TBXAS1: variants seen among roughly 807,000 people sequenced by gnomAD.
TBXAS1 encodes the protein thromboxane-A synthase.
TBXAS1 carries 48 observed loss-of-function variants against 60.7 expected under a neutral mutation model. The ratio of observed to expected loss-of-function variants is 0.79; its 90% CI spans 0.63 to 1.01. The LOEUF (loss-of-function observed/expected upper bound fraction) is 1.01, where lower values mean the gene tolerates loss of function less well. TBXAS1 is among the 50% of genes least tolerant of loss of function. The pLI is 0.00. For missense variants in TBXAS1, 685 were observed against 686.3 expected, an observed-to-expected ratio of 1.00 and a Z score of 0.02; for synonymous variants, 287 against 269.7, an observed-to-expected ratio of 1.06 and a Z score of -0.63.
intron 2 of TBXAS1, among the ~76,000 whole-genome samples, chr7:139,782,131 G>C (rs570407974): frequency 6.6e-6 from 1 of 151,710 alleles, no homozygotes; most frequent in African/African-American, 2.4e-5. Context: ...AGTGTGCATT[G>C]TATTTTATTT....
Position 139,829,362 on chromosome 7 carries a change from GACC to G in TBXAS1, c.-23_-21del. On this transcript the variant is annotated 5_prime_UTR_variant, in exon 1 of 13. Transcript: ENST00000448866. ...GATCAGCCTCCTGTCTCATCTGGAAGACCACCACTCTGGGGTCTCAGAGGAATG... is the reference window on the plus strand; with the variant it reads ...GATCAGCCTCCTGTCTCATCTGGAAGACCACTCTGGGGTCTCAGAGGAATG... 1 of 1,606,232 alleles carries G rather than the reference GACC, an allele frequency of 6.2e-7. No homozygotes were observed. The highest frequency in any genetic ancestry group is 8.5e-7 in the Non-Finnish European group (1 of 1,174,804).
At chr7:139,928,017 CCTCT>C (rs1807027274) in intron 4 of TBXAS1, among the ~76,000 whole-genome samples, 2 of 152,102 alleles carry the variant, frequency 1.3e-5, no homozygotes, top group Non-Finnish European at 2.9e-5. Flanking sequence ...GCCTTATTGA[CCTCT>C]CTATGATGTC....
chr7:139,966,010 T>A (rs1450617895), intron 9 of TBXAS1, among the ~76,000 whole-genome samples: 1 of 152,166 alleles, frequency 6.6e-6, no homozygotes, highest in African/African-American at 2.4e-5. Context: ...AAAATTTGCA[T>A]GTAAAGTATG....
intron 9 of TBXAS1, among the ~76,000 whole-genome samples, chr7:139,973,995 C>T (rs969422583): frequency 6.6e-6 from 1 of 152,176 alleles, no homozygotes. Flanking sequence ...GAATCAACTT[C>T]CCTCTGGTTA....
chr7:139,973,417 T>C (rs1811350089), intron 9 of TBXAS1, among the ~76,000 whole-genome samples: 1 of 152,048 alleles, frequency 6.6e-6, no homozygotes, highest in Admixed American at 6.5e-5. Flanking sequence ...GGAAGGAAAA[T>C]TGGAAAATGA....
chr7:139,830,656 C>T (rs1406705205), intron 1 of TBXAS1, among the ~76,000 whole-genome samples: 9 of 152,130 alleles, frequency 5.9e-5, no homozygotes, highest in Middle Eastern at 3.4e-3. Context: ...TAATCCATCT[C>T]AATGTGTTTT....
chr7:139,856,496 G>A (rs1231940775), intron 1 of TBXAS1, among the ~76,000 whole-genome samples: 1 of 152,136 alleles, frequency 6.6e-6, no homozygotes, highest in African/African-American at 2.4e-5. Context: ...TGCGGCCTTC[G>A]GGTGGCCATT....
chr7:139,872,425 C>T (rs1801893202), intron 2 of TBXAS1, 97 bp downstream of exon 2: 18 of 1,199,394 alleles, frequency 1.5e-5, no homozygotes, highest in South Asian at 8.5e-5. Context: ...GAGGCCGAAG[C>T]GTGTGGATCA....
At chr7:139,984,614 A>AAGAAAG (rs1554503275) in intron 9 of TBXAS1, among the ~76,000 whole-genome samples, 2 of 65,550 alleles carry the variant, frequency 3.1e-5, no homozygotes, top group African/African-American at 1.0e-4. Flanking sequence ...ATAAGAAAGA[A>AAGAAAG]AGAGAGAGAG....
intron 11 of TBXAS1, among the ~76,000 whole-genome samples, chr7:140,016,185 G>C (rs1254219614): frequency 6.6e-6 from 1 of 152,006 alleles, no homozygotes; most frequent in East Asian, 1.9e-4. Context: ...AAACTTAGCT[G>C]GGCGTGGTGG....
At chr7:139,960,844 C>T (rs534691158) in intron 8 of TBXAS1, among the ~76,000 whole-genome samples, 1 of 152,134 alleles carries the variant, frequency 6.6e-6, no homozygotes, top group Admixed American at 6.5e-5. Flanking sequence ...TAGCAGAGTA[C>T]TTTGCATGAA....
At position 140,008,447 on chromosome 7, in the gene TBXAS1, C is replaced by CTT. The variant is rs35875761; in HGVS notation, c.1226+1282_1226+1283dup. On this transcript the variant is annotated intron_variant, in intron 10 of 12. Coordinates refer to ENST00000448866, the MANE Select transcript of TBXAS1 (RefSeq NM_001061.7). The stretch of plus-strand genomic sequence containing the variant: ...CTGTCATCCAATTCTTTCTTTTATT[C>CTT]TTTTTTTTTTTTTTTTTTGAGATGG... Among the ~76,000 whole-genome samples the CTT allele has an allele frequency of 7.3e-3, 921 of 125,968 alleles. 49 individuals carry two copies. In the East Asian group the frequency reaches 0.12, roughly 17 times the overall value. The allele number at this position is 125,968 out of a possible 152,430, so 82.6% of individuals were successfully genotyped here.
intron 4 of TBXAS1, among the ~76,000 whole-genome samples, chr7:139,790,137 A>G (rs1474465704): frequency 1.3e-5 from 2 of 152,076 alleles, no homozygotes; most frequent in African/African-American, 4.8e-5. Flanking sequence ...CCTTTATCAC[A>G]CGTACCTGTG....
At chr7:139,873,441 G>A (rs1801976990) in intron 2 of TBXAS1, among the ~76,000 whole-genome samples, 1 of 152,204 alleles carries the variant, frequency 6.6e-6, no homozygotes, top group South Asian at 2.1e-4. Flanking sequence ...GTGAAGCCAC[G>A]ATGGCTCGGT....
intron 9 of TBXAS1, among the ~76,000 whole-genome samples, chr7:139,978,936 C>G (rs1811767236): frequency 6.6e-6 from 1 of 152,064 alleles, no homozygotes; most frequent in African/African-American, 2.4e-5. Context: ...GCATGGGCGA[C>G]AAAACAATAG....
intron 6 of TBXAS1, among the ~76,000 whole-genome samples, chr7:139,954,287 C>T (rs1019364636): frequency 6.6e-6 from 1 of 152,196 alleles, no homozygotes; most frequent in South Asian, 2.1e-4. Flanking sequence ...GTCTTTTCAT[C>T]CACATTGTCT....
At chr7:139,799,706 C>A (rs990252363) in intron 4 of TBXAS1, among the ~76,000 whole-genome samples, 2 of 152,188 alleles carry the variant, frequency 1.3e-5, no homozygotes, top group African/African-American at 4.8e-5. Context: ...TCCTTCCTTG[C>A]CATTCTTGCT....
intron 3 of TBXAS1, among the ~76,000 whole-genome samples, chr7:139,906,761 G>C (rs539847892): frequency 6.6e-6 from 1 of 152,104 alleles, no homozygotes; most frequent in East Asian, 1.9e-4. Flanking sequence ...AACATGATAT[G>C]TTTCTCCACT....
At chr7:139,911,517 T>C (rs1313816891) in intron 4 of TBXAS1, among the ~76,000 whole-genome samples, 196 bp downstream of exon 4, 1 of 152,150 alleles carries the variant, frequency 6.6e-6, no homozygotes, top group African/African-American at 2.4e-5. Flanking sequence ...ACATTTACAT[T>C]TAAGAAATGC....
Sources: allele counts gnomAD v4.1 joint callset (sites outside exome capture counted in the v4.1 genomes callset), GRCh38; gene constraint gnomAD v4.1.1; transcripts MANE v1.5; gene names NCBI Gene and HGNC (gene_info 2026-07-23, HGNC 2026-07-21).